The following LATS1 variants were observed in gnomAD, a reference collection of about 807,000 sequenced individuals.
LATS1 encodes serine/threonine-protein kinase LATS1.
In LATS1, 25 loss-of-function variants were observed where a neutral mutation model predicts 106.6. The observed-to-expected ratio is 0.23, with a 90% CI of 0.17 to 0.33. The LOEUF (loss-of-function observed/expected upper bound fraction) is 0.33. Ranked by LOEUF, LATS1 falls within the 10% of genes least tolerant of loss-of-function variation. The pLI, the probability that LATS1 is intolerant of heterozygous loss-of-function variation, is 1.00. For synonymous variants in LATS1, 465 were observed against 455.6 expected (o/e 1.02, Z -0.26); for missense variants, 1,040 against 1,382.6 (o/e 0.75, Z 3.93).
chr6:149,696,189 G>T (rs1423455076), intron 2 of LATS1, among the ~76,000 whole-genome samples: 2 of 150,346 alleles, frequency 1.3e-5, no homozygotes, highest in East Asian at 3.9e-4. Flanking sequence ...TTACAGGTGT[G>T]AGCCACTGCT....
chr6:149,679,860 T>C lies in LATS1; in HGVS notation c.2593+15A>G, dbSNP rs763972229. The C allele has an allele frequency of 6.6e-7, 1 of 1,503,782 alleles. No homozygotes were observed. The highest frequency in any genetic ancestry group is 1.3e-5 in the South Asian group (1 of 76,932). 93.2% of individuals were successfully genotyped at this position (1,503,782 alleles called of 1,614,324 possible). A position where few individuals can be genotyped will look rare whatever the true frequency, so the allele number is the denominator to read the frequency against. On this transcript the variant is annotated intron_variant, in intron 5 of 7. Coordinates refer to ENST00000543571, the MANE Select transcript of LATS1 (RefSeq NM_004690.4). ...ATTATGAACAAACTAAAATAAATTT[T>C]ATGAGTTTACTTACCACTCTGATAG...
chr6:149,701,807 T>G lies in LATS1; in HGVS notation c.320A>C (p.Gln107Pro). The stretch of plus-strand genomic sequence containing the variant: ...ATCAAATCCAGCAGCTTGCAAGTCT[T>G]GAAGCATTTGTGGATTAACTTCTGA... ...STSEVNPQMLQDLQAAGFDED... is the reference protein window; with the variant it reads ...STSEVNPQMLPDLQAAGFDED... Residue 107 changes from glutamine (Q) to proline (P), a missense_variant, in exon 2 of 8, where the codon CAA (glutamine) becomes CCA (proline). This residue lies in a region of LATS1 where 624 missense variants were observed against 714.8 expected (regional missense o/e 0.87). Transcript: ENST00000543571. 2 of 1,613,532 alleles carry G rather than the reference T, an allele frequency of 1.2e-6. No homozygotes were observed. Among genetic ancestry groups the G allele is most frequent in the African/African-American group, 1.3e-5 (1 of 75,026 alleles).
rs923882037 is a variant in LATS1, at chr6:149,704,482, GTT to G, written c.-140-2218_-140-2217del. Among the ~76,000 whole-genome samples the G allele has an allele frequency of 5.1e-5, 7 of 136,658 alleles. No individual in the cohort carries two copies. In the East Asian group the frequency reaches 1.6e-3, roughly 31 times the overall value. The allele number at this position is 136,658 out of a possible 152,430, so 89.7% of individuals were successfully genotyped here. ...ACACTTTAAATGGGTAAACTTAGGG[GTT>G]TTTTTTTTGTTTTTTTTTTTGAGAC... On this transcript the variant is annotated intron_variant, in intron 1 of 7. Coordinates refer to ENST00000543571, the MANE Select transcript of LATS1 (RefSeq NM_004690.4).
chr6:149,711,294 C>T lies in LATS1; in HGVS notation c.-141+6555G>A, dbSNP rs546712134. 2.0e-5 allele frequency among the ~76,000 whole-genome samples: 3 copies of T among 151,734 alleles called. No individual in the cohort carries two copies. The South Asian group carries it at 6.3e-4, about 32-fold the overall frequency. ...GCACGGTGCCTCACACCTGTAATTC[C>T]AGCACTTTGGGAGGCCGAGACAGGC... is the stretch of plus-strand genomic sequence containing the variant. On this transcript the variant is annotated intron_variant, in intron 1 of 7. Transcript: ENST00000543571.
chr6:149,703,411 G>A (rs1304083679), intron 1 of LATS1, among the ~76,000 whole-genome samples: 2 of 152,142 alleles, frequency 1.3e-5, no homozygotes, highest in Admixed American at 1.3e-4. Context: ...ATCTCATGTC[G>A]AACTTTAGTC....
In LATS1 at chr6:149,661,425, A is replaced by G. The variant is rs1321486807; in HGVS notation, c.*304T>C. 1 of 286,030 alleles carries G rather than the reference A, an allele frequency of 3.5e-6. No homozygotes were observed. Among genetic ancestry groups the G allele is most frequent in the Non-Finnish European group, 6.5e-6 (1 of 154,614 alleles). The allele number at this position is 286,030 out of a possible 1,614,324, so 17.7% of individuals were successfully genotyped here. A position where few individuals can be genotyped will look rare whatever the true frequency, so the allele number is the denominator to read the frequency against. ...TTATTTAGCATATATACAAATAGAT[A>G]CCAGGTTTCTCCTTTTAAACAAAGC... On this transcript the variant is annotated 3_prime_UTR_variant, in exon 8 of 8. Transcript: ENST00000543571.
chr6:149,675,591 C>T (rs931407189), intron 7 of LATS1: 2 of 152,210 alleles, frequency 1.3e-5, no homozygotes, highest in Non-Finnish European at 2.9e-5. Context: ...GAGTTTCGCC[C>T]TTTCACCCAG....
intron 1 of LATS1, among the ~76,000 whole-genome samples, chr6:149,704,764 T>C (rs1227808208): frequency 6.6e-6 from 1 of 152,076 alleles, no homozygotes; most frequent in Admixed American, 6.6e-5. Context: ...GGTGGGATTA[T>C]AGGCATGAGC....
At chr6:149,693,185 C>T (rs570015665) in intron 3 of LATS1, among the ~76,000 whole-genome samples, 2 of 151,916 alleles carry the variant, frequency 1.3e-5, no homozygotes, top group African/African-American at 4.8e-5. Flanking sequence ...ACTGCTTGAA[C>T]CCGGGAGGCG....
At chr6:149,708,652 G>A (rs1268945988) in intron 1 of LATS1, among the ~76,000 whole-genome samples, 8 of 151,988 alleles carry the variant, frequency 5.3e-5, no homozygotes, top group Non-Finnish European at 8.8e-5. Flanking sequence ...ACTTTGCTTC[G>A]GTTTTCCTGC....
At chr6:149,663,051 T>C (rs961131157) in intron 7 of LATS1, among the ~76,000 whole-genome samples, 3 of 151,482 alleles carry the variant, frequency 2.0e-5, no homozygotes, top group African/African-American at 7.3e-5. Context: ...GAAGCCAGAC[T>C]ACCTAAGACT....
Position 149,662,486 on chromosome 6 carries a change from C to G in LATS1, c.2884-248G>C, listed in dbSNP as rs376665976. Among the ~76,000 whole-genome samples, 24 of 152,264 alleles carry G rather than the reference C, an allele frequency of 1.6e-4. No individual in the cohort carries two copies. The South Asian group carries it at 4.6e-3, about 29-fold the overall frequency. On this transcript the variant is annotated intron_variant, in intron 7 of 7. Coordinates refer to ENST00000543571, the MANE Select transcript of LATS1 (RefSeq NM_004690.4). ...TGGCCTATGGTAGAAGTGACTACTT[C>G]TACTCTGCCTCCCCTGTACCATATA...
rs1411242286 is a variant in LATS1 at position 149,701,913 on chromosome 6, C to T, written c.214G>A (p.Gly72Arg). 1.9e-6 allele frequency: 3 copies of T among 1,614,114 alleles called. No homozygotes were observed. The highest frequency in any genetic ancestry group is 1.7e-6 in the Non-Finnish European group (2 of 1,180,022). The stretch of plus-strand genomic sequence containing the variant: ...TCCTGCAAGGCTTTATGATGCGTCC[C>T]AAATTTGGGTGGATTTCTGACTTGT... Reference protein sequence around the residue: ...PRQVRNPPKFGTHHKALQEIR... With the variant: ...PRQVRNPPKFRTHHKALQEIR... Residue 72 changes from glycine (G) to arginine (R), a missense_variant, in exon 2 of 8, where the codon GGG (glycine) becomes AGG (arginine). Gly to Arg is a moderately radical substitution (Grantham distance 125). Transcript: ENST00000543571.
intron 1 of LATS1, among the ~76,000 whole-genome samples, chr6:149,711,675 G>C (rs1188068925): frequency 6.6e-6 from 1 of 152,136 alleles, no homozygotes; most frequent in Non-Finnish European, 1.5e-5. Flanking sequence ...AAAAAGATTT[G>C]TACGTTCCAA....
intron 1 of LATS1, among the ~76,000 whole-genome samples, chr6:149,713,175 C>G (rs142356187): frequency 8.9e-4 from 135 of 152,234 alleles, no homozygotes; most frequent in African/African-American, 3.1e-3. Context: ...AGAGTTCCTT[C>G]CAAATAAATC....
At chr6:149,696,166 C>A (rs1272085925) in intron 2 of LATS1, among the ~76,000 whole-genome samples, 1 of 151,312 alleles carries the variant, frequency 6.6e-6, no homozygotes, top group South Asian at 2.1e-4. Context: ...CTCGGCCTCC[C>A]AAAGTGCTGG....
chr6:149,698,119 AT>A (rs986494752), intron 2 of LATS1, among the ~76,000 whole-genome samples: 4 of 152,074 alleles, frequency 2.6e-5, no homozygotes, highest in Admixed American at 2.0e-4. Flanking sequence ...TTTAATATTT[AT>A]TGCTATGTTT....
At chr6:149,667,200 C>T (rs1302599744) in intron 7 of LATS1, among the ~76,000 whole-genome samples, 2 of 151,762 alleles carry the variant, frequency 1.3e-5, no homozygotes, top group South Asian at 2.1e-4. Context: ...TTTGGGAGGC[C>T]GAGGCAGGTG....
chr6:149,696,783 G>GA (rs1562346261), intron 2 of LATS1, among the ~76,000 whole-genome samples: 3 of 151,998 alleles, frequency 2.0e-5, no homozygotes, highest in African/African-American at 7.3e-5. Flanking sequence ...ATAGTACGAT[G>GA]AAAAAAACAG....
Sources: gnomAD v4.1 joint callset for allele counts (sites outside exome capture counted in the v4.1 genomes callset) on GRCh38, gnomAD v4.1.1 for gene constraint, gnomAD v4.1.1 regional missense constraint, MANE v1.5 for transcripts, NCBI Gene and HGNC (gene_info 2026-07-23, HGNC 2026-07-21) for gene names.